The following MAP2K1 variants were observed in gnomAD, a reference collection of about 807,000 sequenced individuals.
MAP2K1 encodes the protein dual specificity mitogen-activated protein kinase kinase 1.
A neutral mutation model predicts 46.3 loss-of-function variants in MAP2K1; 16 were observed. The observed-to-expected ratio is 0.35, with a 90% CI of 0.23 to 0.52. The LOEUF is 0.52. Among genes scored for constraint, MAP2K1 ranks in the 20% least tolerant of loss-of-function variants. The pLI is 0.94. For synonymous variants in MAP2K1, 183 were observed against 185.6 expected (o/e 0.99, Z 0.11); for missense variants, 263 against 497.1 (o/e 0.53, Z 4.48).
chr15:66,432,106 A>G (rs977634444), intron 1 of MAP2K1, among the ~76,000 whole-genome samples: 1 of 152,232 alleles, frequency 6.6e-6, no homozygotes, highest in Non-Finnish European at 1.5e-5. Context: ...TGACTTGTCC[A>G]TGGTCACACA....
intron 5 of MAP2K1, among the ~76,000 whole-genome samples, chr15:66,466,506 C>T (rs997934307): frequency 3.3e-5 from 5 of 151,918 alleles, no homozygotes; most frequent in Non-Finnish European, 7.4e-5. Context: ...TGGTGAAACC[C>T]CATCTCTACT....
intron 1 of MAP2K1, among the ~76,000 whole-genome samples, chr15:66,408,074 A>G (rs2093402225): frequency 6.6e-6 from 1 of 152,218 alleles, no homozygotes; most frequent in Admixed American, 6.5e-5. Flanking sequence ...CTGTTCCCAC[A>G]TCTGTAAAAT....
At chr15:66,461,028 G>C (rs1341266707) in intron 5 of MAP2K1, among the ~76,000 whole-genome samples, 5 of 152,156 alleles carry the variant, frequency 3.3e-5, no homozygotes, top group Non-Finnish European at 7.4e-5. Context: ...CCTGAGGCTG[G>C]GGCTGCCCTT....
intron 2 of MAP2K1, 52 bp downstream of exon 2, chr15:66,435,289 A>T: frequency 1.4e-6 from 2 of 1,423,138 alleles, no homozygotes; most frequent in Non-Finnish European, 2.0e-6. Flanking sequence ...GGGTACTTAG[A>T]AGCCTGGGGA....
chr15:66,422,282 T>C (rs1478759189), intron 1 of MAP2K1, among the ~76,000 whole-genome samples: 1 of 152,170 alleles, frequency 6.6e-6, no homozygotes, highest in Non-Finnish European at 1.5e-5. Flanking sequence ...TGAGAGTGTT[T>C]GTCAAAATTT....
In MAP2K1 at chr15:66,387,078, C is replaced by A. The variant is rs2093342581; in HGVS notation, c.-270C>A. On this transcript the variant is annotated 5_prime_UTR_variant, in exon 1 of 11. Coordinates refer to ENST00000307102, the MANE Select transcript of MAP2K1 (RefSeq NM_002755.4). ...AGGAAGGGAATCCCGGGCTGCCGAACCGCACGTTCAGCCCGCTCCGCTCCT... is the reference window on the plus strand; with the variant it reads ...AGGAAGGGAATCCCGGGCTGCCGAAACGCACGTTCAGCCCGCTCCGCTCCT... 1 of 402,616 alleles carries A rather than the reference C, an allele frequency of 2.5e-6. No individual in the cohort carries two copies. The highest frequency in any genetic ancestry group is 4.6e-5 in the Admixed American group (1 of 21,702). The allele number at this position is 402,616 out of a possible 1,614,324, so 24.9% of individuals were successfully genotyped here.
chr15:66,471,454 G>A (rs1192271786), intron 5 of MAP2K1, among the ~76,000 whole-genome samples: 1 of 152,058 alleles, frequency 6.6e-6, no homozygotes, highest in Non-Finnish European at 1.5e-5. Flanking sequence ...AACTGGGCTG[G>A]GGCCACAGAG....
intron 5 of MAP2K1, chr15:66,453,382 G>A (rs1229311413): frequency 1.5e-6 from 1 of 665,530 alleles, no homozygotes; most frequent in Admixed American, 2.2e-5. Flanking sequence ...AGCCAAGAAA[G>A]GGAAGTCACT....
At position 66,387,311 on chromosome 15, in the gene MAP2K1, T is replaced by C. The variant is rs1352769336; in HGVS notation, c.-37T>C. ...CGGGAGGAAGCGAGAGGTGCTGCCC[T>C]CCCCCCGGAGTTGGAAGCGCGTTAC... is the stretch of plus-strand genomic sequence containing the variant. On this transcript the variant is annotated 5_prime_UTR_variant, in exon 1 of 11. Transcript: ENST00000307102. 4 of 1,516,808 alleles carry C rather than the reference T, an allele frequency of 2.6e-6. No individual in the cohort carries two copies. The highest frequency in any genetic ancestry group is 3.6e-6 in the Non-Finnish European group (4 of 1,116,072). The allele number at this position is 1,516,808 out of a possible 1,614,324, so 94.0% of individuals were successfully genotyped here.
chr15:66,457,555 C>T (rs1892196996), intron 5 of MAP2K1, among the ~76,000 whole-genome samples: 1 of 152,138 alleles, frequency 6.6e-6, no homozygotes, highest in Non-Finnish European at 1.5e-5. Flanking sequence ...GACTGTGTGG[C>T]CCTCAAAGCC....
At position 66,386,944 on chromosome 15, in the gene MAP2K1, A is replaced by G. The variant is rs1034893113; in HGVS notation, c.-404A>G. The G allele has an allele frequency of 6.0e-5, 15 of 251,084 alleles. No homozygotes were observed. Among genetic ancestry groups the G allele is most frequent in the African/African-American group, 1.5e-4 (7 of 45,702 alleles). The allele number at this position is 251,084 out of a possible 1,614,324, so 15.6% of individuals were successfully genotyped here. ...CCCAGGGCCGCTTCGCAGAGCGGCT[A>G]GGAGCACGGCGGCGGCGGCACTTTC... On this transcript the variant is annotated 5_prime_UTR_variant, in exon 1 of 11. Transcript: ENST00000307102.
chr15:66,398,219 C>G (rs888172010), intron 1 of MAP2K1, among the ~76,000 whole-genome samples: 6 of 151,786 alleles, frequency 4.0e-5, no homozygotes, highest in Non-Finnish European at 5.9e-5. Context: ...GAGCTAGAGA[C>G]CAGCCTGGGC....
Position 66,387,444 on chromosome 15 carries a change from C to T in MAP2K1, c.80+17C>T, listed in dbSNP as rs2093344283. Reference sequence around the variant, plus strand: ...CTCTGCGGAGTAAGTATGGGGCGGGCGGTGAACCTCGGGGCCCGGCTGGGG... The same window carrying T: ...CTCTGCGGAGTAAGTATGGGGCGGGTGGTGAACCTCGGGGCCCGGCTGGGG... On this transcript the variant is annotated intron_variant, in intron 1 of 10. Transcript: ENST00000307102. 1.3e-6 allele frequency: 2 copies of T among 1,551,268 alleles called. No homozygotes were observed. The highest frequency in any genetic ancestry group is 1.7e-4 in the Middle Eastern group (1 of 6,000).
In MAP2K1 at chr15:66,413,147, C is replaced by T. The variant is rs542943557; in HGVS notation, c.81-21880C>T. Among the ~76,000 whole-genome samples the T allele has an allele frequency of 9.9e-5, 15 of 152,262 alleles. No homozygotes were observed. In the South Asian group the frequency reaches 1.9e-3, roughly 19 times the overall value. ...CTGACCTCAGGTGATCCACCTGCCT[C>T]GGCCTCCCAAAGTGCTGGGATTACA... On this transcript the variant is annotated intron_variant, in intron 1 of 10. Transcript: ENST00000307102.
At chr15:66,391,128 G>C (rs563664043) in intron 1 of MAP2K1, among the ~76,000 whole-genome samples, 2 of 150,526 alleles carry the variant, frequency 1.3e-5, no homozygotes, top group African/African-American at 4.9e-5. Context: ...CTGGACTCCA[G>C]TGATTCTACC....
intron 1 of MAP2K1, among the ~76,000 whole-genome samples, chr15:66,415,979 A>G (rs1478624781): frequency 2.0e-5 from 3 of 152,180 alleles, no homozygotes; most frequent in African/African-American, 7.2e-5. Context: ...GTCAAATTAC[A>G]GAAGTCACCC....
rs1336147749 is a variant in MAP2K1, at chr15:66,489,751, G to A, written c.1056G>A (p.Leu352=). ...AAAACCCCGCAGAGAGAGCAGATTT[G>A]AAGCAACTCATGGTGAGTCTATTTA... is the stretch of plus-strand genomic sequence containing the variant. ...LIKNPAERAD[L]KQLMVHAFIK... Residue 352 remains leucine (L), a synonymous_variant, in exon 10 of 11, where the codon TTG becomes TTA. Transcript: ENST00000307102. 1 of 1,613,784 alleles carries A rather than the reference G, an allele frequency of 6.2e-7. No homozygotes were observed. The highest frequency in any genetic ancestry group is 8.5e-7 in the Non-Finnish European group (1 of 1,179,642).
chr15:66,387,588 A>G (rs1402649171), intron 1 of MAP2K1, among the ~76,000 whole-genome samples, 161 bp downstream of exon 1: 1 of 151,968 alleles, frequency 6.6e-6, no homozygotes, highest in Admixed American at 6.5e-5. Flanking sequence ...CTAAGCACTG[A>G]TTGTGTTCCT....
rs553467919 is a variant in MAP2K1, at chr15:66,476,060, T to G, written c.569-5695T>G. On this transcript the variant is annotated intron_variant, in intron 5 of 10. Coordinates refer to ENST00000307102, the MANE Select transcript of MAP2K1 (RefSeq NM_002755.4). ...ATCGGAGAAGAACATACTTTCTGAG[T>G]TTTTCATAAAACCTCCTTGTTCATT... Among the ~76,000 whole-genome samples, 7 of 152,104 alleles carry G rather than the reference T, an allele frequency of 4.6e-5. No individual in the cohort carries two copies. In the South Asian group the frequency reaches 1.5e-3, roughly 32 times the overall value.
Sources: allele counts gnomAD v4.1 joint callset (sites outside exome capture counted in the v4.1 genomes callset), GRCh38; gene constraint gnomAD v4.1.1; transcripts MANE v1.5; gene names NCBI Gene and HGNC (gene_info 2026-07-23, HGNC 2026-07-21).